HIGD1C: variants seen among roughly 807,000 people sequenced by gnomAD.
HIGD1C encodes the protein HIG1 domain family member 1C.
In HIGD1C, 11 loss-of-function variants were observed where a neutral mutation model predicts 13.1. The observed-to-expected ratio is 0.84, with a 90% CI of 0.53 to 1.39. The LOEUF is 1.39. Among genes scored for constraint, HIGD1C ranks in the 40% most tolerant of loss-of-function variants. The probability of loss-of-function intolerance (pLI) is 0.00; values close to 1 mark genes in which losing one functional copy is unlikely to be tolerated. For missense variants in HIGD1C, 110 were observed against 112.0 expected, an observed-to-expected ratio of 0.98 and a Z score of 0.08; for synonymous variants, 36 against 37.7, an observed-to-expected ratio of 0.95 and a Z score of 0.17.
intron 1 of HIGD1C, among the ~76,000 whole-genome samples, chr12:50,957,842 G>A (rs1939158678): frequency 1.3e-5 from 2 of 151,934 alleles, no homozygotes; most frequent in South Asian, 4.2e-4. Context: ...CCGAGATCAT[G>A]CCACTGCACT....
chr12:50,933,194 C>T, the HIGD1C span, among the ~76,000 whole-genome samples: 1 of 152,154 alleles, frequency 6.6e-6, no homozygotes, highest in African/African-American at 2.4e-5. Flanking sequence ...AGCCCTGACT[C>T]CCCAAACCAC....
chr12:50,968,875 C>T (rs1010736769), intron 2 of HIGD1C, among the ~76,000 whole-genome samples: 4 of 151,382 alleles, frequency 2.6e-5, no homozygotes, highest in Non-Finnish European at 2.9e-5. Context: ...AAATGGGTCT[C>T]GCTATTTTGA....
chr12:50,942,418 T>A, the HIGD1C span, among the ~76,000 whole-genome samples: 1 of 152,204 alleles, frequency 6.6e-6, no homozygotes, highest in Non-Finnish European at 1.5e-5. Flanking sequence ...TCTGCACACA[T>A]CACTCTTTAC....
chr12:50,952,317 G>A (rs1005158671), upstream of HIGD1C, among the ~76,000 whole-genome samples: 3 of 151,920 alleles, frequency 2.0e-5, no homozygotes, highest in African/African-American at 4.8e-5. Context: ...AGGAAAATGC[G>A]GGTACCAGAC....
upstream of HIGD1C, among the ~76,000 whole-genome samples, chr12:50,950,667 CTAA>C (rs1565953394): frequency 7.7e-6 from 1 of 130,130 alleles, no homozygotes; most frequent in Non-Finnish European, 1.6e-5. Context: ...TCATGCCCAG[CTAA>C]TTTTTTTTTT....
chr12:50,937,074 C>T, the HIGD1C span, among the ~76,000 whole-genome samples: 3 of 152,228 alleles, frequency 2.0e-5, no homozygotes, highest in Admixed American at 6.5e-5. Context: ...TTACATAGCA[C>T]GTGCTCAAAA....
chr12:50,969,526 G>A (rs914833588), intron 2 of HIGD1C, among the ~76,000 whole-genome samples: 2 of 151,642 alleles, frequency 1.3e-5, no homozygotes, highest in Non-Finnish European at 1.5e-5. Flanking sequence ...ATGGCGAAAC[G>A]CTGTCTGTAC....
At chr12:50,941,322 G>GA in the HIGD1C span, among the ~76,000 whole-genome samples, 2 of 152,194 alleles carry the variant, frequency 1.3e-5, no homozygotes, top group African/African-American at 4.8e-5. Flanking sequence ...AAACATTGGA[G>GA]AAAGTGAACT....
intron 1 of HIGD1C, among the ~76,000 whole-genome samples, chr12:50,958,769 C>G (rs1014692571): frequency 6.6e-6 from 1 of 151,644 alleles, no homozygotes; most frequent in Non-Finnish European, 1.5e-5. Flanking sequence ...GTAATCCCAG[C>G]ACTTCAGGAG....
chr12:50,949,697 C>T (rs1320965750), upstream of HIGD1C, among the ~76,000 whole-genome samples: 1 of 152,070 alleles, frequency 6.6e-6, no homozygotes, highest in South Asian at 2.1e-4. Flanking sequence ...CCTCACCTGG[C>T]TAATCTTTGT....
chr12:50,951,758 A>G (rs551172929), upstream of HIGD1C, among the ~76,000 whole-genome samples: 1 of 145,946 alleles, frequency 6.9e-6, no homozygotes, highest in South Asian at 2.3e-4. Flanking sequence ...AATCTCTACT[A>G]AAAATACAAA....
At chr12:50,966,002 C>T (rs1483223601) in intron 2 of HIGD1C, among the ~76,000 whole-genome samples, 2 of 152,156 alleles carry the variant, frequency 1.3e-5, no homozygotes, top group African/African-American at 2.4e-5. Flanking sequence ...TCTGCTTCTG[C>T]CCATAAGTTT....
At chr12:50,946,926 AAAC>A in the HIGD1C span, among the ~76,000 whole-genome samples, 1 of 152,158 alleles carries the variant, frequency 6.6e-6, no homozygotes, top group East Asian at 1.9e-4. Context: ...AAATAAATAA[AAAC>A]AAAAAATAAA....
chr12:50,947,278 C>T, the HIGD1C span, among the ~76,000 whole-genome samples: 17 of 152,282 alleles, frequency 1.1e-4, no homozygotes, highest in African/African-American at 4.1e-4. Context: ...ACACCACAAA[C>T]TTTTCATGTG....
the HIGD1C span, among the ~76,000 whole-genome samples, chr12:50,934,269 A>G: frequency 6.6e-6 from 1 of 152,190 alleles, no homozygotes; most frequent in East Asian, 1.9e-4. Flanking sequence ...AAGAAAGTAA[A>G]AGACAAATTG....
intron 2 of HIGD1C, among the ~76,000 whole-genome samples, chr12:50,961,303 A>G (rs1449562218): frequency 5.9e-5 from 9 of 152,166 alleles, no homozygotes; most frequent in Admixed American, 5.9e-4. Context: ...AAAACTGACA[A>G]AACCTATGGT....
intron 2 of HIGD1C, among the ~76,000 whole-genome samples, chr12:50,963,369 C>CAAAAAAAAAAAA (rs35764288): frequency 1.4e-5 from 1 of 72,400 alleles, no homozygotes; most frequent in Non-Finnish European, 2.7e-5. Flanking sequence ...GACTCCATCT[C>CAAAAAAAAAAAA]AAAAAAAAAA....
At chr12:50,948,456 A>T in the HIGD1C span, among the ~76,000 whole-genome samples, 5 of 152,168 alleles carry the variant, frequency 3.3e-5, no homozygotes, top group Non-Finnish European at 7.4e-5. Context: ...TGCTGGTGGG[A>T]ATGCCAATAT....
chr12:50,935,098 G>A, the HIGD1C span: 3 of 152,064 alleles, frequency 2.0e-5, no homozygotes, highest in East Asian at 5.8e-4. Flanking sequence ...TTTCGTCTTG[G>A]TTTAGAAAAC....
Sources: allele counts gnomAD v4.1 joint callset (sites outside exome capture counted in the v4.1 genomes callset), GRCh38; gene constraint gnomAD v4.1.1; transcripts MANE v1.5; gene names NCBI Gene and HGNC (gene_info 2026-07-23, HGNC 2026-07-21).